Variants in STX12 observed in about 807,000 individuals in gnomAD.
STX12 encodes syntaxin 12.
A neutral mutation model predicts 42.2 loss-of-function variants in STX12; 17 were observed. The observed-to-expected ratio is 0.40, with a 90% CI of 0.28 to 0.60. STX12 has a LOEUF of 0.60. Ranked by LOEUF, STX12 falls within the 20% of genes least tolerant of loss-of-function variation. The probability of loss-of-function intolerance (pLI) is 0.39; values close to 1 mark genes in which losing one functional copy is unlikely to be tolerated. For synonymous variants in STX12, 108 were observed against 116.7 expected (o/e 0.93, Z 0.48); for missense variants, 297 against 330.9 (o/e 0.90, Z 0.79).
chr1:27,787,106 T>C (rs1266238773), intron 1 of STX12, among the ~76,000 whole-genome samples: 1 of 152,206 alleles, frequency 6.6e-6, no homozygotes, highest in Admixed American at 6.5e-5. Context: ...TATATTTCTG[T>C]TATAAAACTG....
At chr1:27,815,702 A>G in intron 6 of STX12, among the ~76,000 whole-genome samples, 1 of 152,210 alleles carries the variant, frequency 6.6e-6, no homozygotes, top group East Asian at 1.9e-4. Flanking sequence ...TTTAGCAGAT[A>G]GTCCACTATA....
intron 4 of STX12, among the ~76,000 whole-genome samples, chr1:27,803,730 G>A (rs527648317): frequency 5.9e-4 from 90 of 152,316 alleles, no homozygotes; most frequent in African/African-American, 1.9e-3. Flanking sequence ...TCGGCCAGGC[G>A]TGGTGGCTCA....
intron 4 of STX12, among the ~76,000 whole-genome samples, chr1:27,807,034 C>T (rs1275246208): frequency 2.6e-5 from 4 of 152,116 alleles, no homozygotes; most frequent in African/African-American, 4.8e-5. Flanking sequence ...TAGAGCCAAA[C>T]CATATCACTA....
chr1:27,804,559 C>T (rs1346583265), intron 4 of STX12, among the ~76,000 whole-genome samples: 2 of 151,956 alleles, frequency 1.3e-5, no homozygotes. Context: ...CGCCTGTAAT[C>T]CCAGCACTTT....
At chr1:27,783,949 C>G (rs1358386758) in intron 1 of STX12, among the ~76,000 whole-genome samples, 1 of 152,084 alleles carries the variant, frequency 6.6e-6, no homozygotes, top group Non-Finnish European at 1.5e-5. Context: ...GAGGCTGAGG[C>G]AGGCAGATCA....
chr1:27,813,267 C>T (rs190416379), intron 6 of STX12, among the ~76,000 whole-genome samples: 14 of 152,154 alleles, frequency 9.2e-5, no homozygotes, highest in African/African-American at 2.9e-4. Flanking sequence ...CCTCCCTCTC[C>T]TGGGTTCAAG....
intron 1 of STX12, among the ~76,000 whole-genome samples, chr1:27,786,189 T>C (rs921530441): frequency 6.6e-6 from 1 of 152,222 alleles, no homozygotes; most frequent in African/African-American, 2.4e-5. Context: ...GGGTCCCTAC[T>C]ACCTCCTTGG....
chr1:27,792,476 A>G (rs1442890259), intron 2 of STX12, among the ~76,000 whole-genome samples: 1 of 151,244 alleles, frequency 6.6e-6, no homozygotes. Flanking sequence ...GATATTTTCT[A>G]CTGCCTGGGA....
At chr1:27,818,865 T>C (rs1040707062) in intron 7 of STX12, among the ~76,000 whole-genome samples, 1 of 152,148 alleles carries the variant, frequency 6.6e-6, no homozygotes, top group Non-Finnish European at 1.5e-5. Context: ...CGACCTCAGG[T>C]GATCTGCCCG....
chr1:27,782,033 C>G (rs1456289337), intron 1 of STX12, among the ~76,000 whole-genome samples: 2 of 152,114 alleles, frequency 1.3e-5, no homozygotes, highest in Non-Finnish European at 2.9e-5. Context: ...AGGAGTGGAG[C>G]CTTTTACTCA....
intron 4 of STX12, among the ~76,000 whole-genome samples, chr1:27,806,213 T>C (rs2088861837): frequency 6.6e-6 from 1 of 152,260 alleles, no homozygotes; most frequent in Non-Finnish European, 1.5e-5. Flanking sequence ...ATTTTTGTCA[T>C]TGGCAACAAA....
intron 4 of STX12, among the ~76,000 whole-genome samples, chr1:27,808,931 G>A (rs1294252991): frequency 6.6e-6 from 1 of 152,180 alleles, no homozygotes; most frequent in Non-Finnish European, 1.5e-5. Context: ...AGGAGACTAT[G>A]ATAAATCAGA....
At chr1:27,793,420 C>A (rs2088762930) in intron 2 of STX12, 113 bp from the exon 3 acceptor site, 2 of 832,528 alleles carry the variant, frequency 2.4e-6, no homozygotes, top group Non-Finnish European at 1.9e-6. Flanking sequence ...GGACTCATTT[C>A]TTCAAATGGC....
chr1:27,801,926 G>A, intron 4 of STX12, 111 bp downstream of exon 4: 1 of 1,347,216 alleles, frequency 7.4e-7, no homozygotes. Flanking sequence ...TAGCTGCTGT[G>A]AAAATGGCAG....
chr1:27,798,329 G>A (rs1263464312), intron 3 of STX12, among the ~76,000 whole-genome samples: 2 of 151,902 alleles, frequency 1.3e-5, no homozygotes, highest in African/African-American at 4.8e-5. Flanking sequence ...ACAGGAGTTT[G>A]AGACCCAGCC....
chr1:27,782,205 TC>T (rs1324607389), intron 1 of STX12, among the ~76,000 whole-genome samples: 1 of 152,094 alleles, frequency 6.6e-6, no homozygotes, highest in Non-Finnish European at 1.5e-5. Context: ...ACTCAAGGGA[TC>T]CCCCCACCTC....
intron 1 of STX12, among the ~76,000 whole-genome samples, chr1:27,777,400 AG>A (rs2088634408): frequency 6.6e-6 from 1 of 152,212 alleles, no homozygotes; most frequent in Non-Finnish European, 1.5e-5. Flanking sequence ...CCGTTAGAAA[AG>A]GGAGGCAGAA....
chr1:27,813,920 A>C (rs367874761), intron 6 of STX12, among the ~76,000 whole-genome samples: 34 of 152,152 alleles, frequency 2.2e-4, no homozygotes, highest in African/African-American at 8.0e-4. Context: ...TTATTTTTTG[A>C]GTCAGAGTCT....
chr1:27,798,985 A>G (rs1389277832), intron 3 of STX12, among the ~76,000 whole-genome samples: 1 of 151,872 alleles, frequency 6.6e-6, no homozygotes, highest in Non-Finnish European at 1.5e-5. Context: ...ATAATTGTGA[A>G]GAGTATGGTA....
Sources: allele counts gnomAD v4.1 joint callset (sites outside exome capture counted in the v4.1 genomes callset), GRCh38; gene constraint gnomAD v4.1.1; transcripts MANE v1.5; gene names NCBI Gene and HGNC (gene_info 2026-07-23, HGNC 2026-07-21).